The following PPARGC1A variants were observed in gnomAD, a reference collection of about 807,000 sequenced individuals.
PPARGC1A encodes peroxisome proliferator-activated receptor gamma coactivator 1-alpha.
PPARGC1A carries 25 observed loss-of-function variants against 88.7 expected under a neutral mutation model. That is an observed-to-expected ratio of 0.28 (90% CI 0.21 to 0.39). PPARGC1A has a LOEUF of 0.39. Among genes scored for constraint, PPARGC1A ranks in the 10% least tolerant of loss-of-function variants. PPARGC1A has a pLI of 1.00. For missense variants in PPARGC1A, 880 were observed against 968.7 expected (o/e 0.91, Z 1.22); for synonymous variants, 363 against 355.6 (o/e 1.02, Z -0.24).
chr4:24,133,941 T>A, the PPARGC1A span, among the ~76,000 whole-genome samples: 3 of 152,152 alleles, frequency 2.0e-5, no homozygotes, highest in African/African-American at 7.2e-5. Flanking sequence ...CTGGCCCTCA[T>A]AACAATTAGC....
At chr4:23,998,699 G>A in the PPARGC1A span, among the ~76,000 whole-genome samples, 1 of 152,148 alleles carries the variant, frequency 6.6e-6, no homozygotes, top group African/African-American at 2.4e-5. Flanking sequence ...TAAAATTTCT[G>A]TGCATTATCA....
the PPARGC1A span, among the ~76,000 whole-genome samples, chr4:24,200,112 GATAAATA>G: frequency 2.0e-5 from 3 of 152,040 alleles, no homozygotes; most frequent in Admixed American, 6.6e-5. Flanking sequence ...TAAAAATATA[GATAAATA>G]ATAAATAATG....
chr4:24,448,890 T>G, the PPARGC1A span, among the ~76,000 whole-genome samples: 1 of 152,254 alleles, frequency 6.6e-6, no homozygotes, highest in Non-Finnish European at 1.5e-5. Context: ...GAGATCTGCC[T>G]GCTCTTGGAT....
the PPARGC1A span, among the ~76,000 whole-genome samples, chr4:23,965,033 C>G: frequency 2.1e-4 from 32 of 152,284 alleles, no homozygotes; most frequent in African/African-American, 7.2e-4. Flanking sequence ...ACTTCATTAG[C>G]TAAGGAGAAG....
chr4:24,082,599 G>A, the PPARGC1A span, among the ~76,000 whole-genome samples: 3 of 152,118 alleles, frequency 2.0e-5, no homozygotes, highest in African/African-American at 7.2e-5. Context: ...TATGACTTGA[G>A]GATTTCACAC....
the PPARGC1A span, among the ~76,000 whole-genome samples, chr4:24,379,873 G>A: frequency 6.6e-6 from 1 of 151,298 alleles, no homozygotes; most frequent in African/African-American, 2.4e-5. Context: ...CCACCTCCCG[G>A]GTTCAAGTGA....
chr4:24,313,090 G>T, the PPARGC1A span, among the ~76,000 whole-genome samples: 1 of 152,182 alleles, frequency 6.6e-6, no homozygotes, highest in Non-Finnish European at 1.5e-5. Flanking sequence ...AAAACAAACA[G>T]CGAATGATAA....
At chr4:24,354,746 G>A in the PPARGC1A span, among the ~76,000 whole-genome samples, 1 of 152,024 alleles carries the variant, frequency 6.6e-6, no homozygotes, top group African/African-American at 2.4e-5. Context: ...AATTAGCCGG[G>A]CATGGTGGCA....
At chr4:24,050,340 C>T in the PPARGC1A span, among the ~76,000 whole-genome samples, 6 of 151,756 alleles carry the variant, frequency 4.0e-5, no homozygotes, top group Non-Finnish European at 7.4e-5. Context: ...GAATTACAGG[C>T]GCCCATCACC....
At chr4:24,047,755 A>G in the PPARGC1A span, among the ~76,000 whole-genome samples, 1 of 152,202 alleles carries the variant, frequency 6.6e-6, no homozygotes, top group African/African-American at 2.4e-5. Context: ...GGCCTATCTC[A>G]GGCCATAGTG....
intron 10 of PPARGC1A, among the ~76,000 whole-genome samples, chr4:23,808,286 AT>A (rs970704835): frequency 6.6e-6 from 1 of 151,620 alleles, no homozygotes; most frequent in Admixed American, 6.6e-5. Flanking sequence ...TAATTGCACA[AT>A]TTTTTTCATT....
the PPARGC1A span, among the ~76,000 whole-genome samples, chr4:24,276,960 C>G: frequency 1.3e-5 from 2 of 152,208 alleles, no homozygotes; most frequent in African/African-American, 4.8e-5. Flanking sequence ...CCATGTAGCT[C>G]TTCTGAGTAC....
the PPARGC1A span, among the ~76,000 whole-genome samples, chr4:24,190,480 A>C: frequency 6.6e-6 from 1 of 152,180 alleles, no homozygotes. Flanking sequence ...GCACCACTGC[A>C]CTCCAGCCTG....
chr4:23,938,788 C>T, the PPARGC1A span, among the ~76,000 whole-genome samples: 1 of 152,188 alleles, frequency 6.6e-6, no homozygotes. Flanking sequence ...TAGTGTAGGA[C>T]AGTGACAGAG....
chr4:24,241,748 A>T, the PPARGC1A span, among the ~76,000 whole-genome samples: 1 of 152,208 alleles, frequency 6.6e-6, no homozygotes, highest in Non-Finnish European at 1.5e-5. Flanking sequence ...TGCAACTCCA[A>T]ACATCCAGAT....
At chr4:24,278,944 AGCT>A in the PPARGC1A span, among the ~76,000 whole-genome samples, 8 of 152,234 alleles carry the variant, frequency 5.3e-5, no homozygotes, top group African/African-American at 1.9e-4. Flanking sequence ...GAGCCGAAGC[AGCT>A]GAGTCCTAGA....
the PPARGC1A span, among the ~76,000 whole-genome samples, chr4:24,340,147 C>T: frequency 4.6e-5 from 7 of 152,174 alleles, no homozygotes; most frequent in Admixed American, 6.5e-5. Context: ...TGTATAATCT[C>T]AGTTTTAAAA....
chr4:24,356,728 C>T, the PPARGC1A span, among the ~76,000 whole-genome samples: 1 of 152,230 alleles, frequency 6.6e-6, no homozygotes, highest in African/African-American at 2.4e-5. Context: ...TGGCTTCCCA[C>T]AGGCCAAGCA....
At chr4:24,415,493 C>T in the PPARGC1A span, among the ~76,000 whole-genome samples, 1 of 152,088 alleles carries the variant, frequency 6.6e-6, no homozygotes, top group South Asian at 2.1e-4. Context: ...AGTCTTGTGA[C>T]CTTTCTTCTA....
Sources: allele counts gnomAD v4.1 joint callset (sites outside exome capture counted in the v4.1 genomes callset), GRCh38; gene constraint gnomAD v4.1.1; transcripts MANE v1.5; gene names NCBI Gene and HGNC (gene_info 2026-07-23, HGNC 2026-07-21).